DACH1: variants seen among roughly 807,000 people sequenced by gnomAD.
DACH1 encodes dachshund family transcription factor 1, also known as dachshund homolog 1.
DACH1 carries 12 observed loss-of-function variants against 54.2 expected under a neutral mutation model. That is an observed-to-expected ratio of 0.22 (90% confidence interval 0.14 to 0.36). The LOEUF (loss-of-function observed/expected upper bound fraction) is 0.36. DACH1 is among the 10% of genes least tolerant of loss of function. The pLI, the probability that DACH1 is intolerant of heterozygous loss-of-function variation, is 1.00. For synonymous variants in DACH1, 386 were observed against 366.2 expected (o/e 1.05, Z -0.62); for missense variants, 805 against 929.8 (o/e 0.87, Z 1.75).
chr13:71,813,521 C>A (rs1451328487), intron 1 of DACH1, among the ~76,000 whole-genome samples: 1 of 152,092 alleles, frequency 6.6e-6, no homozygotes, highest in African/African-American at 2.4e-5. Context: ...ATGAGGTTGC[C>A]TTTCTTCATT....
At chr13:71,566,922 A>G (rs1566346736) in intron 4 of DACH1, among the ~76,000 whole-genome samples, 1 of 152,178 alleles carries the variant, frequency 6.6e-6, no homozygotes, top group Non-Finnish European at 1.5e-5. Context: ...CATGAAGTAT[A>G]TGATGTCACA....
chr13:71,778,594 T>C (rs557380554), intron 1 of DACH1, among the ~76,000 whole-genome samples: 9 of 150,616 alleles, frequency 6.0e-5, no homozygotes, highest in Non-Finnish European at 1.3e-4. Context: ...TTGTTTTCTT[T>C]ATAATAGTTT....
At chr13:71,780,273 T>C (rs1256071719) in intron 1 of DACH1, among the ~76,000 whole-genome samples, 1 of 152,122 alleles carries the variant, frequency 6.6e-6, no homozygotes, top group East Asian at 1.9e-4. Context: ...CAGTGAGGCA[T>C]TTTAGAGTTT....
At chr13:71,511,254 A>G (rs144823628) in intron 6 of DACH1, among the ~76,000 whole-genome samples, 183 of 152,128 alleles carry the variant, frequency 1.2e-3, no homozygotes, top group African/African-American at 4.1e-3. Flanking sequence ...TAACCTTGTT[A>G]TTGACTGGTT....
rs545508945 is a variant in DACH1 at position 71,485,621 on chromosome 13, T to C, written c.1722+3376A>G. Among the ~76,000 whole-genome samples, 27 of 143,792 alleles carry C rather than the reference T, an allele frequency of 1.9e-4. No homozygotes were observed. In the East Asian group the frequency reaches 3.3e-3, roughly 18 times the overall value. 94.3% of individuals were successfully genotyped at this position (143,792 alleles called of 152,430 possible). A position where few individuals can be genotyped will look rare whatever the true frequency, so the allele number is the denominator to read the frequency against. On this transcript the variant is annotated intron_variant, in intron 7 of 10. Transcript: ENST00000613252. ...TTTTTAGCTGGAGGGAGTCTTGTTC[T>C]GTCGCCAGGCTGGAGTGCAGTGGCG...
At chr13:71,742,267 T>A (rs1451015698) in intron 1 of DACH1, among the ~76,000 whole-genome samples, 1 of 152,214 alleles carries the variant, frequency 6.6e-6, no homozygotes, top group African/African-American at 2.4e-5. Context: ...GTCAACAGCA[T>A]GCAAACAGAC....
At chr13:71,739,592 T>C (rs1249695091) in intron 1 of DACH1, among the ~76,000 whole-genome samples, 2 of 152,072 alleles carry the variant, frequency 1.3e-5, no homozygotes, top group Non-Finnish European at 2.9e-5. Context: ...CAGTTTGCAC[T>C]ATCTACCTTT....
intron 2 of DACH1, 123 bp downstream of exon 2, chr13:71,681,669 CATT>C (rs1880901493): frequency 1.9e-6 from 1 of 525,402 alleles, no homozygotes; most frequent in Non-Finnish European, 3.3e-6. Context: ...ATCTCAGTAA[CATT>C]ATCTTAGTGT....
intron 1 of DACH1, among the ~76,000 whole-genome samples, chr13:71,845,126 A>G (rs1873141630): frequency 6.6e-6 from 1 of 152,166 alleles, no homozygotes; most frequent in Non-Finnish European, 1.5e-5. Flanking sequence ...TGTTCCCAAC[A>G]CCAAGAAATG....
chr13:71,735,127 A>ATATATGGGATACACG (rs1184916119), intron 1 of DACH1, among the ~76,000 whole-genome samples: 1 of 114,844 alleles, frequency 8.7e-6, no homozygotes, highest in South Asian at 2.8e-4. Flanking sequence ...GGTTATACAT[A>ATATATGGGATACACG]TATATGGGAT....
chr13:71,590,767 T>C (rs192961570), intron 3 of DACH1, among the ~76,000 whole-genome samples: 1 of 152,082 alleles, frequency 6.6e-6, no homozygotes, highest in Non-Finnish European at 1.5e-5. Context: ...TAACTTTTAG[T>C]TCATCTTCAT....
intron 1 of DACH1, among the ~76,000 whole-genome samples, chr13:71,852,296 G>T (rs1873718922): frequency 1.3e-5 from 2 of 151,978 alleles, no homozygotes; most frequent in African/African-American, 2.4e-5. Context: ...AGATGAATGA[G>T]TGTAATCAAT....
chr13:71,683,866 A>G (rs1212152486), intron 1 of DACH1, among the ~76,000 whole-genome samples: 1 of 152,070 alleles, frequency 6.6e-6, no homozygotes, highest in African/African-American at 2.4e-5. Context: ...ATTCAGACAG[A>G]TGAATGCTTA....
chr13:71,755,566 T>G (rs1885108919), intron 1 of DACH1, among the ~76,000 whole-genome samples: 1 of 152,184 alleles, frequency 6.6e-6, no homozygotes, highest in Non-Finnish European at 1.5e-5. Flanking sequence ...CCCCTGAAAT[T>G]CAGACAGTTC....
Position 71,629,618 on chromosome 13 carries a change from A to C in DACH1, c.1126+938T>G, listed in dbSNP as rs115359106. ...ATGTCTTAATGGATTGAAAGTAGAGAGCTGACAATTAACTTAAGAAATAAT... is the reference window on the plus strand; with the variant it reads ...ATGTCTTAATGGATTGAAAGTAGAGCGCTGACAATTAACTTAAGAAATAAT... On this transcript the variant is annotated intron_variant, in intron 3 of 10. Coordinates refer to ENST00000613252, the MANE Select transcript of DACH1 (RefSeq NM_080759.6). Among the ~76,000 whole-genome samples the C allele has an allele frequency of 5.7e-3, 870 of 152,228 alleles. 9 individuals carry two copies. Among genetic ancestry groups the C allele is most frequent in the African/African-American group, 0.02 (820 of 41,550 alleles).
intron 6 of DACH1, among the ~76,000 whole-genome samples, chr13:71,504,618 GATC>G (rs1210608267): frequency 6.6e-6 from 1 of 152,130 alleles, no homozygotes; most frequent in Admixed American, 6.6e-5. Context: ...TTGCAGACCT[GATC>G]ATCAAGTTGT....
intron 4 of DACH1, among the ~76,000 whole-genome samples, chr13:71,566,632 T>G (rs1466713872): frequency 2.0e-5 from 3 of 152,148 alleles, no homozygotes; most frequent in Non-Finnish European, 4.4e-5. Context: ...TTTTTTAGTA[T>G]TATTATAAAA....
chr13:71,790,574 CA>C (rs1652374759), intron 1 of DACH1, among the ~76,000 whole-genome samples: 1 of 151,940 alleles, frequency 6.6e-6, no homozygotes, highest in Admixed American at 6.6e-5. Context: ...AAGATAAAAG[CA>C]AAAATCTAGA....
At chr13:71,475,678 A>G (rs1877451134) in intron 9 of DACH1, 28 bp downstream of exon 9, 1 of 1,586,508 alleles carries the variant, frequency 6.3e-7, no homozygotes, top group African/African-American at 1.4e-5. Context: ...AATGACAGTT[A>G]TTCATGCAAT....
Sources: allele counts gnomAD v4.1 joint callset (sites outside exome capture counted in the v4.1 genomes callset), GRCh38; gene constraint gnomAD v4.1.1; transcripts MANE v1.5; gene names NCBI Gene and HGNC (gene_info 2026-07-23, HGNC 2026-07-21).